CCDC91: variants seen among roughly 807,000 people sequenced by gnomAD.
CCDC91 encodes the protein coiled-coil domain-containing protein 91.
Under a neutral mutation model 63.2 loss-of-function variants are expected in CCDC91, and 48 were observed. The ratio of observed to expected loss-of-function variants is 0.76; its 90% CI spans 0.60 to 0.97. The LOEUF (loss-of-function observed/expected upper bound fraction) is 0.97, where lower values mean the gene tolerates loss of function less well. Among genes scored for constraint, CCDC91 ranks in the 50% least tolerant of loss-of-function variants. The probability of loss-of-function intolerance (pLI) is 0.00; values close to 1 mark genes in which losing one functional copy is unlikely to be tolerated. For synonymous variants in CCDC91, 167 were observed against 165.8 expected, an observed-to-expected ratio of 1.01 and a Z score of -0.06; for missense variants, 500 against 494.6, an observed-to-expected ratio of 1.01 and a Z score of -0.10.
intron 6 of CCDC91, among the ~76,000 whole-genome samples, chr12:28,341,456 T>C (rs1014068483): frequency 1.3e-5 from 2 of 152,206 alleles, no homozygotes; most frequent in African/African-American, 4.8e-5. Context: ...AGGACTTTTG[T>C]GATGACATTA....
intron 12 of CCDC91, among the ~76,000 whole-genome samples, chr12:28,485,427 A>G (rs1012803684): frequency 5.9e-5 from 9 of 151,662 alleles, no homozygotes; most frequent in South Asian, 2.1e-4. Context: ...CAGCCTCCCA[A>G]AGTGCCAGGA....
intron 8 of CCDC91, among the ~76,000 whole-genome samples, chr12:28,406,540 G>T (rs2139617184): frequency 6.6e-6 from 1 of 152,172 alleles, no homozygotes; most frequent in East Asian, 1.9e-4. Flanking sequence ...ATCAGTATGT[G>T]ATTTGCAATT....
rs539582239 is a variant in CCDC91, at chr12:28,524,719, C to T, written c.1216-24344C>T. On this transcript the variant is annotated intron_variant, in intron 12 of 12. Transcript: ENST00000536442. ...GTCTGGTATAAAGCTGTTGTGAATG[C>T]GTCTGGTCCTGGACTTGTTTTGTTG... 3.9e-5 allele frequency among the ~76,000 whole-genome samples: 6 copies of T among 152,114 alleles called. No homozygotes were observed. The East Asian group carries it at 5.8e-4, about 15-fold the overall frequency.
At chr12:28,209,607 T>TTTTAGTAGAGACAGGGTTTCG (rs1943091274) in intron 1 of CCDC91, among the ~76,000 whole-genome samples, 1 of 152,084 alleles carries the variant, frequency 6.6e-6, no homozygotes, top group African/African-American at 2.4e-5. Flanking sequence ...ATTTTTGTAT[T>TTTTAGTAGAGACAGGGTTTCG]TTTAGTAGAG....
chr12:28,436,755 AT>A (rs59055874), intron 8 of CCDC91, among the ~76,000 whole-genome samples: 35 of 149,482 alleles, frequency 2.3e-4, no homozygotes, highest in African/African-American at 6.6e-4. Context: ...ACAATTCCAG[AT>A]TTTTTTTTTA....
At position 28,307,020 on chromosome 12, in the gene CCDC91, AAAACT is replaced by A. The variant is rs1938814350; in HGVS notation, c.471+76_471+80del. The A allele has an allele frequency of 6.2e-6, 6 of 962,082 alleles. No homozygotes were observed. In the South Asian group the frequency reaches 9.8e-5, roughly 16 times the overall value. The allele number at this position is 962,082 out of a possible 1,614,324, so 59.6% of individuals were successfully genotyped here. ...TTGATATAATCTCAAACTCTGATTA[AAAACT>A]CATCAGAGGAAGAAGATACTTTTCT... On this transcript the variant is annotated intron_variant, in intron 5 of 12. Transcript: ENST00000536442.
chr12:28,345,062 G>A (rs985086270), intron 6 of CCDC91, among the ~76,000 whole-genome samples: 5 of 151,878 alleles, frequency 3.3e-5, no homozygotes, highest in Non-Finnish European at 4.4e-5. Context: ...TTTTGAAATG[G>A]CAACATCTTC....
intron 3 of CCDC91, among the ~76,000 whole-genome samples, chr12:28,262,562 G>A (rs1234412477): frequency 6.6e-6 from 1 of 151,950 alleles, no homozygotes; most frequent in Non-Finnish European, 1.5e-5. Flanking sequence ...GGGTTGAGGT[G>A]CCTCAAGACA....
intron 8 of CCDC91, among the ~76,000 whole-genome samples, chr12:28,404,084 C>T (rs1378045885): frequency 6.6e-6 from 1 of 151,782 alleles, no homozygotes; most frequent in Non-Finnish European, 1.5e-5. Context: ...CTCTTGTTTA[C>T]TTATTTCCAA....
chr12:28,259,314 G>A (rs1314515970), intron 2 of CCDC91, 50 bp from the exon 3 acceptor site: 3 of 1,340,772 alleles, frequency 2.2e-6, no homozygotes, highest in Non-Finnish European at 2.1e-6. Flanking sequence ...CACTTAAATA[G>A]CATTTCTGCT....
At chr12:28,476,427 C>T (rs1217866314) in intron 11 of CCDC91, among the ~76,000 whole-genome samples, 1 of 152,022 alleles carries the variant, frequency 6.6e-6, no homozygotes, top group Non-Finnish European at 1.5e-5. Flanking sequence ...CCAGCGAGAA[C>T]AAAGGCACAA....
intron 8 of CCDC91, among the ~76,000 whole-genome samples, chr12:28,404,585 G>A (rs1429099232): frequency 6.6e-6 from 1 of 151,892 alleles, no homozygotes; most frequent in Non-Finnish European, 1.5e-5. Context: ...TGAGAAGTGG[G>A]GGCAATTGAA....
intron 6 of CCDC91, among the ~76,000 whole-genome samples, chr12:28,333,841 A>C (rs910350857): frequency 2.6e-5 from 4 of 152,200 alleles, no homozygotes; most frequent in Non-Finnish European, 4.4e-5. Flanking sequence ...TTCTAATGCG[A>C]ATGTGAGTTA....
intron 8 of CCDC91, among the ~76,000 whole-genome samples, chr12:28,399,234 A>G (rs998569327): frequency 6.6e-6 from 1 of 152,158 alleles, no homozygotes; most frequent in Admixed American, 6.5e-5. Flanking sequence ...GGAAGCAAAC[A>G]TGTCCTTCTT....
rs201906212 is a variant in CCDC91 at position 28,416,108 on chromosome 12, GT to G, written c.762+24700del. Among the ~76,000 whole-genome samples, 5 of 152,038 alleles carry G rather than the reference GT, an allele frequency of 3.3e-5. No individual in the cohort carries two copies. In the East Asian group the frequency reaches 9.7e-4, roughly 29 times the overall value. Reference sequence around the variant, plus strand: ...ACTCCTCACCCAGCTGCTTCTTGGAGTTTCCAAAAATCTAACACAGGAAAAA... The same window carrying G: ...ACTCCTCACCCAGCTGCTTCTTGGAGTTCCAAAAATCTAACACAGGAAAAA... On this transcript the variant is annotated intron_variant, in intron 8 of 12. Transcript: ENST00000536442.
chr12:28,199,487 C>G (rs535134602), intron 1 of CCDC91, among the ~76,000 whole-genome samples: 26 of 152,250 alleles, frequency 1.7e-4, no homozygotes, highest in African/African-American at 5.5e-4. Context: ...CACAACCAAA[C>G]ATACATTTAT....
chr12:28,488,315 C>T (rs1951827493), intron 12 of CCDC91, among the ~76,000 whole-genome samples: 1 of 151,696 alleles, frequency 6.6e-6, no homozygotes, highest in Non-Finnish European at 1.5e-5. Flanking sequence ...TTATAATTTA[C>T]ATTCAAATTA....
At chr12:28,264,919 C>T (rs1265084398) in intron 3 of CCDC91, among the ~76,000 whole-genome samples, 2 of 151,924 alleles carry the variant, frequency 1.3e-5, no homozygotes, top group African/African-American at 4.8e-5. Flanking sequence ...CACCTTATTT[C>T]ATTTTCAGTG....
chr12:28,527,857 T>G (rs1346899170), intron 12 of CCDC91, among the ~76,000 whole-genome samples: 1 of 152,082 alleles, frequency 6.6e-6, no homozygotes, highest in Non-Finnish European at 1.5e-5. Context: ...TGTTGTGTCA[T>G]GCAGGTTGCC....
Sources: allele counts gnomAD v4.1 joint callset (sites outside exome capture counted in the v4.1 genomes callset), GRCh38; gene constraint gnomAD v4.1.1; transcripts MANE v1.5; gene names NCBI Gene and HGNC (gene_info 2026-07-23, HGNC 2026-07-21).